NR1D1: variants seen among roughly 807,000 people sequenced by gnomAD.
NR1D1 encodes Rev-ErbAalpha.
NR1D1 carries 17 observed loss-of-function variants against 51.1 expected under a neutral mutation model. The observed-to-expected ratio is 0.33, with a 90% CI of 0.23 to 0.50. The LOEUF (loss-of-function observed/expected upper bound fraction) is 0.50, where lower values mean the gene tolerates loss of function less well. NR1D1 is among the 20% of genes least tolerant of loss of function. The probability of loss-of-function intolerance (pLI) is 0.98; values close to 1 mark genes in which losing one functional copy is unlikely to be tolerated. For missense variants in NR1D1, 647 were observed against 830.4 expected, an observed-to-expected ratio of 0.78 and a Z score of 2.71; for synonymous variants, 341 against 333.4, an observed-to-expected ratio of 1.02 and a Z score of -0.25.
At chr17:40,094,487 C>T (rs578044146) in intron 6 of NR1D1, among the ~76,000 whole-genome samples, 3 of 152,334 alleles carry the variant, frequency 2.0e-5, no homozygotes, top group South Asian at 4.1e-4. Context: ...CAGCAGGAGC[C>T]GCTCAGCCCC....
intron 6 of NR1D1, 62 bp downstream of exon 6, chr17:40,094,873 G>A: frequency 1.3e-6 from 2 of 1,538,364 alleles, no homozygotes; most frequent in Non-Finnish European, 1.8e-6. Context: ...ACTCCAGCCT[G>A]GGCGACAAGC....
intron 2 of NR1D1, 90 bp downstream of exon 2, chr17:40,096,974 GT>G: frequency 7.5e-7 from 1 of 1,328,292 alleles, no homozygotes; most frequent in South Asian, 1.3e-5. Context: ...GCCAGAATAG[GT>G]CCTGGCAAGA....
At chr17:40,096,883 G>A (rs1987774378) in intron 2 of NR1D1, 104 bp from the exon 3 acceptor site, 5 of 1,308,084 alleles carry the variant, frequency 3.8e-6, no homozygotes, top group African/African-American at 2.9e-5. Context: ...AAGCTAAGGA[G>A]GAACTCCAGT....
Position 40,100,108 on chromosome 17 carries a change from G to T in NR1D1, c.-14C>A. 6.2e-7 allele frequency: 1 copy of T among 1,607,638 alleles called. No individual in the cohort carries two copies. Among genetic ancestry groups the T allele is most frequent in the Non-Finnish European group, 8.5e-7 (1 of 1,174,200 alleles). On this transcript the variant is annotated 5_prime_UTR_variant, in exon 1 of 8. Coordinates refer to ENST00000246672, the MANE Select transcript of NR1D1 (RefSeq NM_021724.5). The stretch of plus-strand genomic sequence containing the variant: ...CAGGGTCGTCATGTCTTCACCAGCT[G>T]AGAGCGGTCATTCAAACTGGACCTT...
Position 40,093,435 on chromosome 17 carries a change from G to A in NR1D1, c.1646-153C>T, listed in dbSNP as rs1203258699. ...AGAAGGAGTGCCATACCTTCTCCCA[G>A]GCCTCTGCCCCAAGAGCAGGAGGTG... On this transcript the variant is annotated intron_variant, in intron 7 of 7. Coordinates refer to ENST00000246672, the MANE Select transcript of NR1D1 (RefSeq NM_021724.5). This position sits in a 1 kb window ranked among gnomAD's most constrained non-coding sequence, Gnocchi z 5.9. 6.4e-7 allele frequency: 1 copy of A among 1,555,230 alleles called. No individual in the cohort carries two copies. Among genetic ancestry groups the A allele is most frequent in the Admixed American group, 1.9e-5 (1 of 53,836 alleles).
chr17:40,097,175 G>T lies in NR1D1; in HGVS notation c.260C>A (p.Ser87Ter). 6.2e-7 allele frequency: 1 copy of T among 1,611,562 alleles called. No homozygotes were observed. Residue 87 changes from serine (S) to a stop codon, truncating the protein, a stop_gained, in exon 2 of 8, where the codon TCG (serine) becomes TAG (stop). Coordinates refer to ENST00000246672, the MANE Select transcript of NR1D1 (RefSeq NM_021724.5). LOFTEE classifies it high-confidence loss of function. Reference sequence around the variant, plus strand: ...ATAGAAGGAGGAGGAGGATGACGACGAGGAAGATGAGGAAGAAGGGGAGCC... The same window carrying T: ...ATAGAAGGAGGAGGAGGATGACGACTAGGAAGATGAGGAAGAAGGGGAGCC... ...DDGSPSSSSS[S>*]SSSSSSFYNG...
At chr17:40,095,192 G>A (rs541365243) in intron 5 of NR1D1, 72 bp from the exon 6 acceptor site, 7 of 1,457,720 alleles carry the variant, frequency 4.8e-6, no homozygotes, top group Non-Finnish European at 5.6e-6. Context: ...GAGCAGAGCT[G>A]GACCCCAGAT....
intron 6 of NR1D1, 36 bp from the exon 7 acceptor site, chr17:40,094,158 T>G (rs201344416): frequency 6.3e-7 from 1 of 1,597,346 alleles, no homozygotes; most frequent in Non-Finnish European, 8.6e-7. Flanking sequence ...CTGGGTGTGG[T>G]GGGAGGAGCA....
chr17:40,094,214 G>A, intron 6 of NR1D1, 92 bp from the exon 7 acceptor site: 2 of 1,143,784 alleles, frequency 1.7e-6, no homozygotes, highest in East Asian at 2.4e-5. Flanking sequence ...TAGCGGTGCT[G>A]CCTTCGATTT....
Position 40,092,938 on chromosome 17 carries a change from AG to A in NR1D1, c.*144del. The A allele has an allele frequency of 6.5e-7, 1 of 1,530,130 alleles. No homozygotes were observed. The highest frequency in any genetic ancestry group is 1.4e-5 in the African/African-American group (1 of 72,108). 94.8% of individuals were successfully genotyped at this position (1,530,130 alleles called of 1,614,324 possible). A position where few individuals can be genotyped will look rare whatever the true frequency, so the allele number is the denominator to read the frequency against. Reference sequence around the variant, plus strand: ...GAGGCAGGTATTTACAAGAAGGCTCAGGGGGCCAGAGGCTCATCTTGGAATA... The same window carrying A: ...GAGGCAGGTATTTACAAGAAGGCTCAGGGGCCAGAGGCTCATCTTGGAATA... On this transcript the variant is annotated 3_prime_UTR_variant, in exon 8 of 8. Coordinates refer to ENST00000246672, the MANE Select transcript of NR1D1 (RefSeq NM_021724.5).
In NR1D1 at chr17:40,097,203, C is replaced by A. The variant is rs1259886278; in HGVS notation, c.232G>T (p.Asp78Tyr). Residue 78 changes from aspartate (D) to tyrosine (Y), a missense_variant, in exon 2 of 8, where the codon GAC (aspartate) becomes TAC (tyrosine). Around this residue, in one of 7 missense-constraint regions of NR1D1, gnomAD observed 98 missense variants for 94.7 expected, o/e 1.03. Transcript: ENST00000246672. ...GAAGATGAGGAAGAAGGGGAGCCGT[C>A]ATCACTCAGGCTGGGTGGAATGCTC... ...FGSIPPSLSD[D>Y]GSPSSSSSSS... 5 of 1,611,576 alleles carry A rather than the reference C, an allele frequency of 3.1e-6. No homozygotes were observed. The highest frequency in any genetic ancestry group is 4.2e-6 in the Non-Finnish European group (5 of 1,178,320).
chr17:40,099,114 G>C (rs901660404), intron 1 of NR1D1, among the ~76,000 whole-genome samples: 55 of 151,884 alleles, frequency 3.6e-4, no homozygotes, highest in African/African-American at 1.2e-3. Flanking sequence ...GCGGGAGCTG[G>C]GCCCTCAGCC....
chr17:40,095,404 C>A (rs72836608), intron 5 of NR1D1, 40 bp downstream of exon 5: 477,957 of 1,508,996 alleles, frequency 0.32, 80,035 homozygotes, highest in Middle Eastern at 0.41. Flanking sequence ...CCAGGCCCCC[C>A]CAATCTTCTT....
In NR1D1 at chr17:40,093,554, TC is replaced by T; in HGVS notation, c.1646-273del. Reference sequence around the variant, plus strand: ...CTCAGCAGGCCAAACATGGCCAGACTCCCTTGCTTTTTGCTGTGTAGTTCCC... The same window carrying T: ...CTCAGCAGGCCAAACATGGCCAGACTCCTTGCTTTTTGCTGTGTAGTTCCC... On this transcript the variant is annotated intron_variant, in intron 7 of 7. Transcript: ENST00000246672. The surrounding 1 kb of genome is among the most constrained non-coding windows in gnomAD (Gnocchi z 5.9). 9.2e-6 allele frequency: 10 copies of T among 1,084,604 alleles called. No individual in the cohort carries two copies. The highest frequency in any genetic ancestry group is 1.3e-5 in the Non-Finnish European group (10 of 776,730). 67.2% of individuals were successfully genotyped at this position (1,084,604 alleles called of 1,614,324 possible).
chr17:40,096,114 G>A (rs780559531), intron 4 of NR1D1, 27 bp from the exon 5 acceptor site: 1 of 1,605,588 alleles, frequency 6.2e-7, no homozygotes, highest in Non-Finnish European at 8.5e-7. Context: ...ACAGCATCAG[G>A]AAGTTCTCAA....
At position 40,100,447 on chromosome 17, in the gene NR1D1, C is replaced by T. The variant is rs887520691; in HGVS notation, c.-353G>A. On this transcript the variant is annotated 5_prime_UTR_variant, in exon 1 of 8. Coordinates refer to ENST00000246672, the MANE Select transcript of NR1D1 (RefSeq NM_021724.5). The stretch of plus-strand genomic sequence containing the variant: ...TCCGCAGCGCTGCGGGGTGGCGAAT[C>T]TGGAGCTCCCGGTGCAAAAGTCCCA... 1.9e-5 allele frequency: 9 copies of T among 463,296 alleles called. No individual in the cohort carries two copies. The highest frequency in any genetic ancestry group is 3.4e-5 in the Non-Finnish European group (9 of 261,466). The allele number at this position is 463,296 out of a possible 1,614,324, so 28.7% of individuals were successfully genotyped here. A position where few individuals can be genotyped will look rare whatever the true frequency, so the allele number is the denominator to read the frequency against.
Position 40,093,963 on chromosome 17 carries a change from GCGCCAGGGAGTTGAGCTTCT to G in NR1D1, c.1574_1593del (p.Glu525AlafsTer123), listed in dbSNP as rs1987690061. ...AAGAGGCCCAGCTCCTCCTCGGTAA[GCGCCAGGGAGTTGAGCTTCT>G]CGCTGAAGTCGAACATGGCACTGAG... On this transcript the variant is annotated frameshift_variant, in exon 7 of 8. Transcript: ENST00000246672. LOFTEE classifies it high-confidence loss of function. The surrounding 1 kb of genome is among the most constrained non-coding windows in gnomAD (Gnocchi z 5.9). The G allele has an allele frequency of 6.2e-7, 1 of 1,613,878 alleles. No homozygotes were observed. The highest frequency in any genetic ancestry group is 8.5e-7 in the Non-Finnish European group (1 of 1,180,050).
chr17:40,095,071 T>C lies in NR1D1; in HGVS notation c.1298A>G (p.Gln433Arg). Residue 433 changes from glutamine to arginine, a missense_variant, in exon 6 of 8, where the codon CAG becomes CGG. By Grantham distance (43) the Gln-to-Arg change is conservative. Coordinates refer to ENST00000246672, the MANE Select transcript of NR1D1 (RefSeq NM_021724.5). ...YPHGRSGRTV[Q>R]EIWEDFSMSF... ...CATGGAGAAATCCTCCCAGATCTCCTGCACCGTTCGCCCACTGCGTCCATG... is the reference window on the plus strand; with the variant it reads ...CATGGAGAAATCCTCCCAGATCTCCCGCACCGTTCGCCCACTGCGTCCATG... 1 of 1,614,038 alleles carries C rather than the reference T, an allele frequency of 6.2e-7. No homozygotes were observed. Among genetic ancestry groups the C allele is most frequent in the Admixed American group, 1.7e-5 (1 of 60,026 alleles).
intron 6 of NR1D1, among the ~76,000 whole-genome samples, 171 bp from the exon 7 acceptor site, chr17:40,094,293 C>T (rs1475307653): frequency 6.6e-6 from 1 of 152,150 alleles, no homozygotes; most frequent in African/African-American, 2.4e-5. Flanking sequence ...GCTTTGGGAT[C>T]CAATAAGCCT....
Sources: allele counts gnomAD v4.1 joint callset (sites outside exome capture counted in the v4.1 genomes callset), GRCh38; gene constraint gnomAD v4.1.1; regional missense constraint gnomAD v4.1.1; non-coding constraint Gnocchi (gnomAD v3.1); transcripts MANE v1.5; gene names NCBI Gene and HGNC (gene_info 2026-07-23, HGNC 2026-07-21).